Variants in AGPS observed in about 807,000 individuals in gnomAD.
AGPS encodes the protein alkylglycerone phosphate synthase, also known as alkyldihydroxyacetonephosphate synthase, peroxisomal.
Under a neutral mutation model 90.7 loss-of-function variants are expected in AGPS, and 26 were observed. The ratio of observed to expected loss-of-function variants is 0.29; its 90% confidence interval spans 0.21 to 0.40. The LOEUF (loss-of-function observed/expected upper bound fraction) is 0.40. Among genes scored for constraint, AGPS ranks in the 10% least tolerant of loss-of-function variants. The probability of loss-of-function intolerance (pLI) is 1.00; values close to 1 mark genes in which losing one functional copy is unlikely to be tolerated. For synonymous variants in AGPS, 294 were observed against 285.3 expected (o/e 1.03, Z -0.31); for missense variants, 540 against 816.1 (o/e 0.66, Z 4.12).
intron 9 of AGPS, among the ~76,000 whole-genome samples, chr2:177,462,270 G>C (rs1269025161): frequency 6.6e-6 from 1 of 151,458 alleles, no homozygotes; most frequent in East Asian, 1.9e-4. Flanking sequence ...GCGGGCTCCT[G>C]TAGTCCCAGC....
chr2:177,426,721 T>C (rs911962631), intron 2 of AGPS, among the ~76,000 whole-genome samples: 2 of 152,214 alleles, frequency 1.3e-5, no homozygotes, highest in Admixed American at 6.5e-5. Flanking sequence ...TGAACCAACC[T>C]TGATTGTGGT....
At chr2:177,447,957 T>C (rs1015384528) in intron 8 of AGPS, among the ~76,000 whole-genome samples, 2 of 152,216 alleles carry the variant, frequency 1.3e-5, no homozygotes, top group African/African-American at 4.8e-5. Context: ...ACATTGATGT[T>C]AACATGATAA....
intron 2 of AGPS, among the ~76,000 whole-genome samples, chr2:177,422,337 A>G (rs1027655797): frequency 3.9e-5 from 6 of 152,172 alleles, no homozygotes; most frequent in African/African-American, 1.2e-4. Context: ...ATTCAGAACA[A>G]AGGAGATTTG....
intron 8 of AGPS, among the ~76,000 whole-genome samples, chr2:177,457,421 C>CA (rs1458187361): frequency 1.3e-5 from 2 of 151,790 alleles, no homozygotes; most frequent in Non-Finnish European, 2.9e-5. Flanking sequence ...AAAATACCAA[C>CA]AAAATAGACC....
intron 15 of AGPS, among the ~76,000 whole-genome samples, chr2:177,506,032 C>A (rs1574018147): frequency 6.6e-6 from 1 of 151,950 alleles, no homozygotes; most frequent in East Asian, 1.9e-4. Flanking sequence ...TGTACTTGAA[C>A]ACTCAAATGT....
intron 10 of AGPS, among the ~76,000 whole-genome samples, chr2:177,477,184 C>T (rs1687806174): frequency 6.6e-6 from 1 of 151,932 alleles, no homozygotes; most frequent in African/African-American, 2.4e-5. Context: ...TTATTTTCCC[C>T]CCCTCTGTGG....
intron 9 of AGPS, among the ~76,000 whole-genome samples, chr2:177,465,647 A>C (rs1687423968): frequency 6.6e-6 from 1 of 152,196 alleles, no homozygotes; most frequent in Non-Finnish European, 1.5e-5. Context: ...AGCTCCCTAC[A>C]AGGCTGCTGC....
intron 16 of AGPS, among the ~76,000 whole-genome samples, chr2:177,510,147 G>C (rs1004219173): frequency 6.6e-6 from 1 of 152,128 alleles, no homozygotes; most frequent in African/African-American, 2.4e-5. Flanking sequence ...AATGTTCTTA[G>C]ACAAGAAACA....
chr2:177,423,397 A>T (rs549784854), intron 2 of AGPS, among the ~76,000 whole-genome samples: 1 of 152,308 alleles, frequency 6.6e-6, no homozygotes, highest in South Asian at 2.1e-4. Flanking sequence ...ACAATTTTTG[A>T]AATTTTTTGT....
chr2:177,420,443 A>G, intron 2 of AGPS, 85 bp downstream of exon 2: 1 of 993,942 alleles, frequency 1.0e-6, no homozygotes, highest in South Asian at 1.3e-5. Context: ...AAATATAATG[A>G]TTCCTCCTTG....
At chr2:177,506,440 G>A (rs1688717284) in intron 15 of AGPS, among the ~76,000 whole-genome samples, 2 of 151,730 alleles carry the variant, frequency 1.3e-5, no homozygotes, top group South Asian at 4.1e-4. Flanking sequence ...ATCAAATCAG[G>A]ATTGGGATAT....
At chr2:177,428,206 G>T (rs1289789582) in intron 2 of AGPS, among the ~76,000 whole-genome samples, 2 of 151,970 alleles carry the variant, frequency 1.3e-5, no homozygotes, top group East Asian at 1.9e-4. Context: ...CCTTTCTTTT[G>T]AGTTCATGTG....
At chr2:177,516,936 A>C (rs1689037857) in intron 17 of AGPS, among the ~76,000 whole-genome samples, 1 of 151,970 alleles carries the variant, frequency 6.6e-6, no homozygotes. Flanking sequence ...TTTTTTTATG[A>C]GGGTGAATTA....
chr2:177,532,154 G>A (rs2079144040), intron 19 of AGPS, among the ~76,000 whole-genome samples: 1 of 152,112 alleles, frequency 6.6e-6, no homozygotes, highest in Admixed American at 6.6e-5. Context: ...TTTGCTCTAT[G>A]AAGGACTCTG....
intron 2 of AGPS, among the ~76,000 whole-genome samples, chr2:177,433,809 T>C (rs1686310988): frequency 6.6e-6 from 1 of 152,188 alleles, no homozygotes; most frequent in Non-Finnish European, 1.5e-5. Context: ...GCCTAGAAGA[T>C]TCCAGTATGT....
chr2:177,524,567 T>C (rs898854678), intron 19 of AGPS, among the ~76,000 whole-genome samples: 9 of 151,836 alleles, frequency 5.9e-5, no homozygotes, highest in African/African-American at 2.2e-4. Context: ...TTAAATAGTT[T>C]TTAGGAAGCA....
intron 11 of AGPS, among the ~76,000 whole-genome samples, chr2:177,488,418 G>A (rs1196687260): frequency 1.3e-5 from 2 of 151,950 alleles, no homozygotes; most frequent in South Asian, 2.1e-4. Context: ...GGGTTTCACC[G>A]TGTTAGCCAG....
intron 6 of AGPS, 108 bp downstream of exon 6, chr2:177,441,144 TGA>T: frequency 1.0e-6 from 1 of 990,868 alleles, no homozygotes; most frequent in Non-Finnish European, 1.5e-6. Context: ...ATTGTAATTG[TGA>T]TGTGGTTATT....
chr2:177,430,054 A>T (rs1686193867), intron 2 of AGPS, among the ~76,000 whole-genome samples: 1 of 152,174 alleles, frequency 6.6e-6, no homozygotes. Context: ...TCCCACTTAA[A>T]AAAAAGCAGT....
Sources: gnomAD v4.1 joint callset for allele counts (sites outside exome capture counted in the v4.1 genomes callset) on GRCh38, gnomAD v4.1.1 for gene constraint, MANE v1.5 for transcripts, NCBI Gene and HGNC (gene_info 2026-07-23, HGNC 2026-07-21) for gene names.